The following DNAH9 variants were observed in gnomAD, a reference collection of about 807,000 sequenced individuals.
DNAH9 encodes dynein axonemal heavy chain 9, also known as DNAH9 variant protein.
DNAH9 carries 345 observed loss-of-function variants against 471.6 expected under a neutral mutation model. That is an observed-to-expected ratio of 0.73 (90% confidence interval 0.67 to 0.80). The LOEUF (loss-of-function observed/expected upper bound fraction) is 0.80. Ranked by LOEUF, DNAH9 falls within the 30% of genes least tolerant of loss-of-function variation. The probability of loss-of-function intolerance (pLI) is 0.00; values close to 1 mark genes in which losing one functional copy is unlikely to be tolerated. For missense variants in DNAH9, 5,407 were observed against 5,609.2 expected (o/e 0.96, Z 1.15); for synonymous variants, 2,093 against 2,123.6 (o/e 0.99, Z 0.40).
intron 38 of DNAH9, among the ~76,000 whole-genome samples, chr17:11,779,889 A>AT (rs1318573266): frequency 6.6e-6 from 1 of 152,230 alleles, no homozygotes; most frequent in Non-Finnish European, 1.5e-5. Context: ...GAAAATTAGA[A>AT]TATTCGAGCT....
Position 11,834,826 on chromosome 17 carries a change from C to CT in DNAH9, c.9436dup (p.Cys3146LeufsTer2). On this transcript the variant is annotated frameshift_variant, in exon 49 of 69. Coordinates refer to ENST00000262442, the MANE Select transcript of DNAH9 (RefSeq NM_001372.4). LOFTEE classifies it high-confidence loss of function. ...TAGAGGTGAAACAGAAGCAGAAGGACTGTGAGGAGGACCTGGCAAAGGCTG... is the reference window on the plus strand; with the variant it reads ...TAGAGGTGAAACAGAAGCAGAAGGACTTGTGAGGAGGACCTGGCAAAGGCTG... 1.2e-6 allele frequency: 2 copies of CT among 1,614,092 alleles called. No individual in the cohort carries two copies. The highest frequency in any genetic ancestry group is 1.7e-6 in the Non-Finnish European group (2 of 1,180,028).
intron 43 of DNAH9, among the ~76,000 whole-genome samples, chr17:11,800,954 G>A (rs775990821): frequency 2.0e-5 from 3 of 152,142 alleles, no homozygotes; most frequent in Non-Finnish European, 4.4e-5. Context: ...GAGGACTGAG[G>A]GTGATCCTAA....
intron 28 of DNAH9, 91 bp from the exon 29 acceptor site, chr17:11,738,789 G>A (rs2075391458): frequency 1.8e-6 from 2 of 1,110,734 alleles, no homozygotes. Flanking sequence ...AGTTCTTCGT[G>A]CTGTGTGTGA....
rs12453237 is a variant in DNAH9 at position 11,835,015 on chromosome 17, A to G, written c.9507+117A>G. ...TTGGGAGAGTTTAGGGTGGGCTCCA[A>G]CTGTCACTGATTTGCTCATTAAGCA... On this transcript the variant is annotated intron_variant, in intron 49 of 68. Coordinates refer to ENST00000262442, the MANE Select transcript of DNAH9 (RefSeq NM_001372.4). The G allele has an allele frequency of 0.34, 459,892 of 1,346,506 alleles. 79,171 individuals carry two copies. Among genetic ancestry groups the G allele is most frequent in the East Asian group, 0.44 (17,273 of 39,678 alleles). 83.4% of individuals were successfully genotyped at this position (1,346,506 alleles called of 1,614,324 possible).
intron 45 of DNAH9, among the ~76,000 whole-genome samples, chr17:11,821,083 A>C (rs896494620): frequency 2.6e-5 from 4 of 152,054 alleles, no homozygotes; most frequent in Non-Finnish European, 5.9e-5. Flanking sequence ...GGAGTTCGAG[A>C]CCAAGCCTGA....
rs2072814579 is a variant in DNAH9, at chr17:11,619,720, T to C, written c.1289T>C (p.Phe430Ser). The stretch of plus-strand genomic sequence containing the variant: ...AACCAGGAAGTCAAGGAATGGGATT[T>C]CCAGTCTTCTTTGGTCTTTGTGCGA... ...KENQEVKEWD[F>S]QSSLVFVRLD... is the part of the protein sequence containing the mutation. The change falls in exon 6 of 69, where the codon TTC (phenylalanine) becomes TCC (serine). Residue 430 changes from phenylalanine to serine, a missense_variant. Transcript: ENST00000262442. 1 of 1,614,116 alleles carries C rather than the reference T, an allele frequency of 6.2e-7. No individual in the cohort carries two copies. Among genetic ancestry groups the C allele is most frequent in the Non-Finnish European group, 8.5e-7 (1 of 1,179,992 alleles).
chr17:11,667,239 G>A (rs1312725584), intron 15 of DNAH9, among the ~76,000 whole-genome samples: 3 of 152,108 alleles, frequency 2.0e-5, no homozygotes, highest in Admixed American at 6.5e-5. Context: ...AATATGTCAT[G>A]AGTATATATA....
chr17:11,756,820 G>A (rs373969517), intron 34 of DNAH9, 144 bp downstream of exon 34: 4 of 635,710 alleles, frequency 6.3e-6, no homozygotes, highest in African/African-American at 5.5e-5. Flanking sequence ...TGGAAATGTT[G>A]TGGTAATAAG....
intron 35 of DNAH9, among the ~76,000 whole-genome samples, chr17:11,759,517 CTTT>C: frequency 1.2e-5 from 1 of 83,972 alleles, no homozygotes; most frequent in African/African-American, 4.4e-5. Flanking sequence ...ATACACACCA[CTTT>C]TTTTTTTTTT....
At chr17:11,610,238 A>G (rs893367395) in intron 2 of DNAH9, among the ~76,000 whole-genome samples, 158 bp from the exon 3 acceptor site, 1 of 152,072 alleles carries the variant, frequency 6.6e-6, no homozygotes, top group Non-Finnish European at 1.5e-5. Context: ...GTCAACAGAG[A>G]CTGTTATCCA....
rs1974220258 is a variant in DNAH9 at position 11,923,782 on chromosome 17, A to G, written c.11750-32A>G. 2.5e-6 allele frequency: 4 copies of G among 1,610,952 alleles called. No homozygotes were observed. In the East Asian group the frequency reaches 8.9e-5, roughly 36 times the overall value. On this transcript the variant is annotated intron_variant, in intron 61 of 68. Transcript: ENST00000262442. ...TCAAACATCCATCATTAGACACAAG[A>G]AATAATAATGACGCCTCCATCCTCC...
At chr17:11,764,895 T>A (rs190674552) in intron 36 of DNAH9, among the ~76,000 whole-genome samples, 90 of 152,328 alleles carry the variant, frequency 5.9e-4, no homozygotes, top group African/African-American at 2.0e-3. Context: ...CATCACATCA[T>A]ATGCATTAAA....
At chr17:11,844,258 T>C (rs1205878378) in intron 49 of DNAH9, among the ~76,000 whole-genome samples, 2 of 152,158 alleles carry the variant, frequency 1.3e-5, no homozygotes, top group Non-Finnish European at 2.9e-5. Context: ...CAAAATACCA[T>C]AAACAAACTT....
At chr17:11,770,017 G>A (rs983831611) in intron 38 of DNAH9, among the ~76,000 whole-genome samples, 11 of 152,214 alleles carry the variant, frequency 7.2e-5, no homozygotes, top group African/African-American at 2.7e-4. Flanking sequence ...GAGAGGCAGG[G>A]CTGGGGAGAA....
At chr17:11,681,132 AG>A (rs2150742180) in intron 19 of DNAH9, among the ~76,000 whole-genome samples, 1 of 152,330 alleles carries the variant, frequency 6.6e-6, no homozygotes, top group South Asian at 2.1e-4. Context: ...TATATCTAGA[AG>A]CATCTTTGTG....
At chr17:11,827,870 G>A (rs1032668757) in intron 48 of DNAH9, among the ~76,000 whole-genome samples, 1 of 152,014 alleles carries the variant, frequency 6.6e-6, no homozygotes. Context: ...ATTTTTAGTA[G>A]AGATGGGGTT....
intron 68 of DNAH9, among the ~76,000 whole-genome samples, chr17:11,965,079 G>C (rs527683666): frequency 6.6e-6 from 1 of 152,174 alleles, no homozygotes; most frequent in East Asian, 1.9e-4. Flanking sequence ...AGGGCAAGTC[G>C]GAGAATGAGA....
rs552511441 is a variant in DNAH9 at position 11,726,579 on chromosome 17, CCT to C, written c.5710-1234_5710-1233del. 7.2e-5 allele frequency among the ~76,000 whole-genome samples: 11 copies of C among 152,156 alleles called. No homozygotes were observed. In the South Asian group the frequency reaches 8.3e-4, roughly 11 times the overall value. ...ACTGATCACTCAGGAGCACTCTGACCCTCTCTTCTGTGAATATGACATTTGTG... is the reference window on the plus strand; with the variant it reads ...ACTGATCACTCAGGAGCACTCTGACCCTCTTCTGTGAATATGACATTTGTG... On this transcript the variant is annotated intron_variant, in intron 27 of 68. Transcript: ENST00000262442.
intron 61 of DNAH9, among the ~76,000 whole-genome samples, chr17:11,915,786 T>C (rs1247439498): frequency 6.6e-6 from 1 of 152,250 alleles, no homozygotes; most frequent in East Asian, 1.9e-4. Flanking sequence ...TGGAAGACCA[T>C]TTGATTCTCA....
Sources: gnomAD v4.1 joint callset for allele counts (sites outside exome capture counted in the v4.1 genomes callset) on GRCh38, gnomAD v4.1.1 for gene constraint, MANE v1.5 for transcripts, NCBI Gene and HGNC (gene_info 2026-07-23, HGNC 2026-07-21) for gene names.